Variants in GARIN2 observed in about 807,000 individuals in gnomAD.
GARIN2 encodes Golgi-associated RAB2 interactor protein 2.
the GARIN2 span, chr14:67,199,112 G>C: frequency 5.5e-6 from 7 of 1,261,838 alleles, no homozygotes; most frequent in South Asian, 4.8e-5. Flanking sequence ...CTGTGTACGT[G>C]GGGGGCCTGA....
the GARIN2 span, among the ~76,000 whole-genome samples, chr14:67,217,965 G>A: frequency 6.6e-6 from 1 of 152,114 alleles, no homozygotes; most frequent in African/African-American, 2.4e-5. Context: ...ATGGGTCTTG[G>A]GATGTCAGTT....
chr14:67,204,529 G>C, the GARIN2 span: 1 of 1,610,222 alleles, frequency 6.2e-7, no homozygotes, highest in Non-Finnish European at 8.5e-7. Flanking sequence ...CCGTGTGCTT[G>C]TTTGCAGGTT....
the GARIN2 span, among the ~76,000 whole-genome samples, chr14:67,194,715 C>T: frequency 6.6e-6 from 1 of 152,134 alleles, no homozygotes; most frequent in Non-Finnish European, 1.5e-5. Flanking sequence ...GTTGGTCAGG[C>T]TGGTCTCGAA....
At chr14:67,202,098 C>T in the GARIN2 span, among the ~76,000 whole-genome samples, 210 of 152,230 alleles carry the variant, frequency 1.4e-3, no homozygotes, top group African/African-American at 4.8e-3. Context: ...TCGATTGGTA[C>T]GTGTTCAGGA....
At chr14:67,228,273 GA>G in the GARIN2 span, 1 of 230,248 alleles carries the variant, frequency 4.3e-6, no homozygotes, top group Non-Finnish European at 7.1e-6. Context: ...ATATCAAGAA[GA>G]AAAGTTGTAG....
the GARIN2 span, chr14:67,204,645 T>C: frequency 6.2e-7 from 1 of 1,613,896 alleles, no homozygotes; most frequent in Non-Finnish European, 8.5e-7. Flanking sequence ...TCTGCACCTC[T>C]GCATATAAAC....
At chr14:67,195,523 A>G in the GARIN2 span, among the ~76,000 whole-genome samples, 11 of 152,054 alleles carry the variant, frequency 7.2e-5, no homozygotes, top group African/African-American at 2.7e-4. Context: ...AGTATGCAGT[A>G]TTTTCATTTT....
chr14:67,208,296 A>T, the GARIN2 span: 3 of 1,614,022 alleles, frequency 1.9e-6, no homozygotes, highest in Non-Finnish European at 2.5e-6. Flanking sequence ...ACCATCTCAA[A>T]CATAACACTG....
At chr14:67,213,701 A>T in the GARIN2 span, among the ~76,000 whole-genome samples, 1,657 of 152,200 alleles carry the variant, frequency 0.011, 17 homozygotes, top group Non-Finnish European at 0.017. Context: ...GGCTGGGTCA[A>T]ATGGTATTTC....
chr14:67,223,238 G>T, the GARIN2 span, among the ~76,000 whole-genome samples: 31 of 152,228 alleles, frequency 2.0e-4, no homozygotes, highest in Admixed American at 5.9e-4. Context: ...GACCTCAAGT[G>T]ATCCCCCTGC....
At chr14:67,192,930 A>C in the GARIN2 span, among the ~76,000 whole-genome samples, 2 of 146,080 alleles carry the variant, frequency 1.4e-5, no homozygotes, top group Non-Finnish European at 3.0e-5. Flanking sequence ...ATGTATATAT[A>C]GATATCTAGA....
At chr14:67,208,186 C>G in the GARIN2 span, 1 of 1,612,366 alleles carries the variant, frequency 6.2e-7, no homozygotes, top group South Asian at 1.1e-5. Flanking sequence ...TTTGCTGCTG[C>G]TTTTTATTTT....
the GARIN2 span, among the ~76,000 whole-genome samples, chr14:67,227,953 T>C: frequency 2.0e-5 from 3 of 152,056 alleles, no homozygotes; most frequent in African/African-American, 7.2e-5. Context: ...GTGGATCACC[T>C]GAGGTCAGGA....
chr14:67,201,584 T>C, the GARIN2 span: 2 of 454,238 alleles, frequency 4.4e-6, no homozygotes, highest in African/African-American at 4.0e-5. Flanking sequence ...GCTGGTCACA[T>C]GCCACTGCTG....
the GARIN2 span, among the ~76,000 whole-genome samples, chr14:67,207,848 C>T: frequency 6.6e-6 from 1 of 152,164 alleles, no homozygotes; most frequent in South Asian, 2.1e-4. Flanking sequence ...TAATTAAGAC[C>T]AAACTCAGAC....
the GARIN2 span, chr14:67,227,638 A>C: frequency 6.6e-6 from 1 of 152,130 alleles, no homozygotes. Flanking sequence ...TTGGACTCTT[A>C]TTTACTATAG....
chr14:67,199,633 T>C, the GARIN2 span: 24,587 of 1,580,998 alleles, frequency 0.016, 226 homozygotes, highest in Non-Finnish European at 0.018. Context: ...GCTTAGCAGC[T>C]GGACGACTTC....
At chr14:67,204,768 A>T in the GARIN2 span, 37,426 of 1,614,032 alleles carry the variant, frequency 0.023, 595 homozygotes, top group Middle Eastern at 0.033. Context: ...CGAATAGCAC[A>T]GACATCACAG....
the GARIN2 span, among the ~76,000 whole-genome samples, chr14:67,217,472 T>C: frequency 1.3e-5 from 2 of 152,222 alleles, no homozygotes; most frequent in East Asian, 3.8e-4. Context: ...CTGGTTGTTT[T>C]GTATATCATT....
Sources: allele counts gnomAD v4.1 joint callset (sites outside exome capture counted in the v4.1 genomes callset), GRCh38; gene constraint gnomAD v4.1.1; transcripts MANE v1.5; gene names NCBI Gene and HGNC (gene_info 2026-07-23, HGNC 2026-07-21).